Variants in VCL observed in about 807,000 individuals in gnomAD.
VCL encodes epididymis luminal protein 114.
VCL carries 47 observed loss-of-function variants against 125.7 expected under a neutral mutation model. The observed-to-expected ratio is 0.37, with a 90% CI of 0.30 to 0.48. The LOEUF (loss-of-function observed/expected upper bound fraction) is 0.48. VCL is among the 20% of genes least tolerant of loss of function. The pLI, the probability that VCL is intolerant of heterozygous loss-of-function variation, is 0.99. For synonymous variants in VCL, 458 were observed against 514.6 expected (o/e 0.89, Z 1.49); for missense variants, 1,069 against 1,455.5 (o/e 0.73, Z 4.32).
chr10:74,112,239 C>G, intron 19 of VCL, 127 bp downstream of exon 19: 2 of 1,209,358 alleles, frequency 1.7e-6, no homozygotes, highest in Non-Finnish European at 2.4e-6. Flanking sequence ...ATCTGTCTGT[C>G]TGCACCATGT....
intron 18 of VCL, among the ~76,000 whole-genome samples, chr10:74,110,988 A>G (rs1187324356): frequency 6.6e-6 from 1 of 152,186 alleles, no homozygotes; most frequent in Non-Finnish European, 1.5e-5. Context: ...GTCACTTGCC[A>G]AGTTCACATA....
intron 1 of VCL, chr10:74,027,643 C>T (rs1163021489): frequency 1.3e-5 from 1 of 76,314 alleles, no homozygotes; most frequent in Non-Finnish European, 2.3e-5. Flanking sequence ...GAGACTGTCT[C>T]AAAAAAAAAA....
intron 2 of VCL, among the ~76,000 whole-genome samples, chr10:74,058,098 G>A (rs531130469): frequency 2.6e-5 from 4 of 152,258 alleles, no homozygotes; most frequent in African/African-American, 9.6e-5. Context: ...ATCTCAACAA[G>A]GGCTAAGAAA....
intron 2 of VCL, chr10:74,063,920 A>T (rs935931377): frequency 1.3e-5 from 2 of 152,166 alleles, no homozygotes; most frequent in African/African-American, 4.8e-5. Flanking sequence ...TCAGACACCA[A>T]CTTGGTATTC....
At chr10:74,030,263 G>A (rs1564512653) in intron 1 of VCL, among the ~76,000 whole-genome samples, 1 of 152,128 alleles carries the variant, frequency 6.6e-6, no homozygotes, top group Non-Finnish European at 1.5e-5. Flanking sequence ...ATGGAAACAG[G>A]GGCTAATGTT....
In VCL at chr10:74,108,908, G is replaced by C. The variant is rs1022387846; in HGVS notation, c.2560-63G>C. 10 of 1,600,506 alleles carry C rather than the reference G, an allele frequency of 6.2e-6. No homozygotes were observed. In the African/African-American group the frequency reaches 1.3e-4, roughly 21 times the overall value. On this transcript the variant is annotated intron_variant, in intron 17 of 21. Coordinates refer to ENST00000211998, the MANE Select transcript of VCL (RefSeq NM_014000.3). The stretch of plus-strand genomic sequence containing the variant: ...TTCTAGGGATGCTTTTTAGAAGAAA[G>C]GAAAGAATTCCAGGGGGGAGTAGTT...
intron 1 of VCL, among the ~76,000 whole-genome samples, chr10:74,009,660 C>T (rs1483698156): frequency 6.6e-6 from 1 of 151,920 alleles, no homozygotes; most frequent in Non-Finnish European, 1.5e-5. Flanking sequence ...CTCTGTTGCC[C>T]AGGCTATGGC....
At chr10:74,094,877 T>G (rs1839941416) in intron 11 of VCL, among the ~76,000 whole-genome samples, 1 of 152,102 alleles carries the variant, frequency 6.6e-6, no homozygotes, top group Non-Finnish European at 1.5e-5. Flanking sequence ...CAGTCTGTAG[T>G]GAGCTATGAT....
intron 6 of VCL, among the ~76,000 whole-genome samples, chr10:74,080,741 T>G (rs925348543): frequency 6.6e-5 from 10 of 152,228 alleles, no homozygotes; most frequent in African/African-American, 2.4e-4. Context: ...ACACACTTCC[T>G]AAGTAAGAGT....
At chr10:74,017,732 GTATGTGTATA>G (rs75477331) in intron 1 of VCL, among the ~76,000 whole-genome samples, 52,641 of 151,288 alleles carry the variant, frequency 0.35, 11,035 homozygotes, top group Non-Finnish European at 0.48. Flanking sequence ...ATTTTTGTGT[GTATGTGTATA>G]TATTATACAC....
chr10:74,073,938 G>T (rs1350047421), intron 5 of VCL, among the ~76,000 whole-genome samples: 2 of 152,182 alleles, frequency 1.3e-5, no homozygotes, highest in Non-Finnish European at 2.9e-5. Flanking sequence ...GAGTATAAGA[G>T]TTCAGGAGGC....
At chr10:74,031,168 C>T (rs1483741049) in intron 1 of VCL, among the ~76,000 whole-genome samples, 1 of 152,190 alleles carries the variant, frequency 6.6e-6, no homozygotes, top group South Asian at 2.1e-4. Context: ...TGCTAATGTG[C>T]CTTGTAAATT....
chr10:74,075,872 A>G (rs903795970), intron 6 of VCL: 3 of 152,670 alleles, frequency 2.0e-5, no homozygotes, highest in Non-Finnish European at 4.4e-5. Flanking sequence ...TAATTTAATT[A>G]TATAGAGTAA....
intron 2 of VCL, among the ~76,000 whole-genome samples, chr10:74,051,974 C>T (rs958788544): frequency 1.3e-5 from 2 of 152,176 alleles, no homozygotes. Context: ...AGAGTAGCAG[C>T]TCAGAGGCAG....
chr10:74,039,940 C>T (rs1262409902), intron 1 of VCL, among the ~76,000 whole-genome samples: 1 of 152,174 alleles, frequency 6.6e-6, no homozygotes, highest in Non-Finnish European at 1.5e-5. Flanking sequence ...ACCATACTTC[C>T]CTCCCTCCCT....
At chr10:74,066,146 G>A (rs758999732) in intron 2 of VCL, among the ~76,000 whole-genome samples, 5 of 148,432 alleles carry the variant, frequency 3.4e-5, no homozygotes, top group African/African-American at 1.0e-4. Context: ...CGCAACCTCC[G>A]CCTCCCGGGT....
At position 74,118,300 on chromosome 10, in the gene VCL, G is replaced by A; in HGVS notation, c.*131G>A. ...CTGGCCTGGCACATCAGAAAGGAAT[G>A]GGGGCCTCTTCAAATTAGAAGACAT... On this transcript the variant is annotated 3_prime_UTR_variant, in exon 22 of 22. Transcript: ENST00000211998. 9.2e-7 allele frequency: 1 copy of A among 1,087,382 alleles called. No individual in the cohort carries two copies. Among genetic ancestry groups the A allele is most frequent in the Non-Finnish European group, 1.4e-6 (1 of 731,744 alleles). The allele number at this position is 1,087,382 out of a possible 1,614,324, so 67.4% of individuals were successfully genotyped here. A position where few individuals can be genotyped will look rare whatever the true frequency, so the allele number is the denominator to read the frequency against.
At chr10:74,062,135 G>T (rs1841491692) in intron 2 of VCL, among the ~76,000 whole-genome samples, 1 of 151,950 alleles carries the variant, frequency 6.6e-6, no homozygotes, top group African/African-American at 2.4e-5. Flanking sequence ...CACAATCACG[G>T]CTCACTGCAT....
At chr10:74,026,444 G>T (rs1840774343) in intron 1 of VCL, among the ~76,000 whole-genome samples, 1 of 152,154 alleles carries the variant, frequency 6.6e-6, no homozygotes, top group African/African-American at 2.4e-5. Flanking sequence ...CTCATCTGTG[G>T]CATGGGATAG....
Sources: gnomAD v4.1 joint callset for allele counts (sites outside exome capture counted in the v4.1 genomes callset) on GRCh38, gnomAD v4.1.1 for gene constraint, MANE v1.5 for transcripts, NCBI Gene and HGNC (gene_info 2026-07-23, HGNC 2026-07-21) for gene names.